CDK14: variants seen among roughly 807,000 people sequenced by gnomAD.
The protein encoded by CDK14 is cyclin-dependent kinase 14.
A neutral mutation model predicts 60.7 loss-of-function variants in CDK14; 34 were observed. That is an observed-to-expected ratio of 0.56 (90% CI 0.43 to 0.75). The LOEUF (loss-of-function observed/expected upper bound fraction) is 0.75, where lower values mean the gene tolerates loss of function less well. Among genes scored for constraint, CDK14 ranks in the 30% least tolerant of loss-of-function variants. CDK14 has a pLI of 0.00. For synonymous variants in CDK14, 197 were observed against 203.7 expected (o/e 0.97, Z 0.28); for missense variants, 482 against 564.1 (o/e 0.85, Z 1.47).
At chr7:90,754,351 A>G (rs1424637371) in intron 4 of CDK14, among the ~76,000 whole-genome samples, 1 of 152,186 alleles carries the variant, frequency 6.6e-6, no homozygotes, top group Admixed American at 6.5e-5. Flanking sequence ...CTGATCTTTG[A>G]CAAAGTTAAC....
chr7:91,122,870 C>T (rs949325881), intron 14 of CDK14, among the ~76,000 whole-genome samples: 13 of 152,268 alleles, frequency 8.5e-5, no homozygotes, highest in African/African-American at 1.9e-4. Context: ...TGCTGACTGA[C>T]GGTAGGCTGC....
intron 14 of CDK14, among the ~76,000 whole-genome samples, chr7:91,120,959 T>C (rs1438548052): frequency 2.6e-5 from 4 of 152,354 alleles, no homozygotes; most frequent in Admixed American, 2.6e-4. Flanking sequence ...AGATGGATTC[T>C]AAGAGTTTTC....
chr7:90,606,028 C>A (rs1400003389), intron 2 of CDK14, among the ~76,000 whole-genome samples: 4 of 152,176 alleles, frequency 2.6e-5, no homozygotes, highest in Non-Finnish European at 5.9e-5. Flanking sequence ...GGGTCAAAAT[C>A]ATCCTTAGCT....
intron 10 of CDK14, among the ~76,000 whole-genome samples, chr7:91,004,119 T>C (rs1795915986): frequency 6.6e-6 from 1 of 151,922 alleles, no homozygotes; most frequent in African/African-American, 2.4e-5. Flanking sequence ...TAGAAGCAAA[T>C]TAAATTGAAA....
At chr7:90,634,595 G>C (rs1455810904) in intron 2 of CDK14, among the ~76,000 whole-genome samples, 1 of 151,968 alleles carries the variant, frequency 6.6e-6, no homozygotes, top group African/African-American at 2.4e-5. Flanking sequence ...GTAAACATAC[G>C]TGTGCATGTG....
intron 5 of CDK14, among the ~76,000 whole-genome samples, chr7:90,809,593 G>A (rs1387095155): frequency 5.9e-5 from 9 of 152,140 alleles, no homozygotes; most frequent in Admixed American, 3.3e-4. Context: ...ACATTCAAAA[G>A]CTAGCAGAAG....
chr7:91,179,807 A>C (rs1433652099), intron 14 of CDK14, among the ~76,000 whole-genome samples: 1 of 152,126 alleles, frequency 6.6e-6, no homozygotes, highest in Non-Finnish European at 1.5e-5. Context: ...CGTCTCAAAA[A>C]AAAAAAAGTT....
intron 2 of CDK14, among the ~76,000 whole-genome samples, chr7:90,651,865 G>A (rs1334836731): frequency 6.6e-6 from 1 of 152,104 alleles, no homozygotes; most frequent in Non-Finnish European, 1.5e-5. Flanking sequence ...GGTTATCTGG[G>A]ATGTTGAGTA....
chr7:91,010,827 TCCTTCCTCCCTCCCTC>T (rs1174888709), intron 10 of CDK14, among the ~76,000 whole-genome samples: 10 of 72,086 alleles, frequency 1.4e-4, no homozygotes, highest in South Asian at 3.9e-4. Flanking sequence ...CTTCCTTCCT[TCCTTCCTCCCTCCCTC>T]CCTCCCTCCC....
intron 14 of CDK14, among the ~76,000 whole-genome samples, chr7:91,137,698 GTGTGTGTGTGTGTGTGTA>G (rs1800326879): frequency 1.9e-5 from 1 of 53,408 alleles, no homozygotes; most frequent in South Asian, 4.9e-4. Context: ...TGGGGGGTGT[GTGTGTGTGTGTGTGTGTA>G]TGTGTGTGTG....
chr7:90,788,118 T>G (rs1805675402), intron 4 of CDK14, among the ~76,000 whole-genome samples: 1 of 152,146 alleles, frequency 6.6e-6, no homozygotes, highest in Non-Finnish European at 1.5e-5. Flanking sequence ...AAGTTAACGC[T>G]CTCAAGAGAA....
At chr7:90,616,110 C>A (rs1394108867) in intron 2 of CDK14, among the ~76,000 whole-genome samples, 1 of 152,044 alleles carries the variant, frequency 6.6e-6, no homozygotes, top group Non-Finnish European at 1.5e-5. Context: ...ATATAGTCTT[C>A]TTAGTCCTAA....
At chr7:91,133,968 A>G (rs1403455798) in intron 14 of CDK14, among the ~76,000 whole-genome samples, 4 of 152,194 alleles carry the variant, frequency 2.6e-5, no homozygotes, top group Non-Finnish European at 5.9e-5. Flanking sequence ...TAGAAATAGC[A>G]GTATCCAGAT....
intron 12 of CDK14, among the ~76,000 whole-genome samples, chr7:91,091,503 A>ATT (rs1562900683): frequency 7.8e-6 from 1 of 128,356 alleles, no homozygotes; most frequent in African/African-American, 3.2e-5. Context: ...TATATATTTT[A>ATT]TATATATATA....
intron 5 of CDK14, among the ~76,000 whole-genome samples, chr7:90,811,386 A>C (rs28839796): frequency 1.3e-5 from 2 of 152,038 alleles, no homozygotes; most frequent in African/African-American, 4.8e-5. Flanking sequence ...CTATTTAATA[A>C]ATGGTGCTGG....
intron 10 of CDK14, among the ~76,000 whole-genome samples, chr7:91,029,620 A>T (rs7458941): frequency 0.15 from 5,072 of 33,434 alleles, 147 homozygotes; most frequent in Middle Eastern, 0.28. Flanking sequence ...TCCGCTCCCC[A>T]CTCTCCTCTC....
chr7:91,151,687 G>T (rs1800832152), intron 14 of CDK14, among the ~76,000 whole-genome samples: 1 of 152,150 alleles, frequency 6.6e-6, no homozygotes, highest in East Asian at 1.9e-4. Flanking sequence ...TGTGTTCATT[G>T]TATCATGGAT....
chr7:90,655,525 A>T (rs1800733486), intron 2 of CDK14, among the ~76,000 whole-genome samples: 1 of 152,214 alleles, frequency 6.6e-6, no homozygotes, highest in African/African-American at 2.4e-5. Context: ...TAATCACTTA[A>T]TCACATACTT....
At chr7:90,774,945 C>G (rs1483313714) in intron 4 of CDK14, among the ~76,000 whole-genome samples, 1 of 152,184 alleles carries the variant, frequency 6.6e-6, no homozygotes, top group Non-Finnish European at 1.5e-5. Context: ...TACTATTTGG[C>G]AATGAGTAGT....
Sources: gnomAD v4.1 joint callset for allele counts (sites outside exome capture counted in the v4.1 genomes callset) on GRCh38, gnomAD v4.1.1 for gene constraint, MANE v1.5 for transcripts, NCBI Gene and HGNC (gene_info 2026-07-23, HGNC 2026-07-21) for gene names.